The following KANSL1 variants were observed in gnomAD, a reference collection of about 807,000 sequenced individuals.
KANSL1 encodes the protein KAT8 regulatory NSL complex subunit 1, also known as MLL1/MLL complex subunit KANSL1.
A neutral mutation model predicts 103.6 loss-of-function variants in KANSL1; 22 were observed. The observed-to-expected ratio is 0.21, with a 90% CI of 0.15 to 0.30. The LOEUF (loss-of-function observed/expected upper bound fraction) is 0.30. Among genes scored for constraint, KANSL1 ranks in the 10% least tolerant of loss-of-function variants. The pLI is 1.00. For missense variants in KANSL1, 1,337 were observed against 1,399.8 expected, an observed-to-expected ratio of 0.96 and a Z score of 0.72; for synonymous variants, 600 against 527.6, an observed-to-expected ratio of 1.14 and a Z score of -1.88.
rs575365674 is a variant in KANSL1 at position 46,158,136 on chromosome 17, T to C, written c.1289+12719A>G. The stretch of plus-strand genomic sequence containing the variant: ...GCACCTAAAAAGCAGTAACTGAAAT[T>C]CTGCCTTTGACATTTGACGGTGCAA... On this transcript the variant is annotated intron_variant, in intron 2 of 14. Coordinates refer to ENST00000432791, the MANE Select transcript of KANSL1 (RefSeq NM_015443.4). Among the ~76,000 whole-genome samples, 5 of 152,388 alleles carry C rather than the reference T, an allele frequency of 3.3e-5. No individual in the cohort carries two copies. In the East Asian group the frequency reaches 9.6e-4, roughly 29 times the overall value.
chr17:46,121,293 A>G (rs1225506911), intron 2 of KANSL1: 2 of 152,370 alleles, frequency 1.3e-5, no homozygotes, highest in African/African-American at 2.4e-5. Flanking sequence ...CAACAGGCCT[A>G]CTAGGTTCCA....
intron 1 of KANSL1, chr17:46,222,862 A>AT (rs112005776): frequency 3.3e-5 from 5 of 151,220 alleles, no homozygotes; most frequent in African/African-American, 1.2e-4. Flanking sequence ...TTTTTATTTA[A>AT]TTTTTTTTTT....
chr17:46,096,545 C>A (rs2042093820), intron 2 of KANSL1, among the ~76,000 whole-genome samples: 1 of 151,870 alleles, frequency 6.6e-6, no homozygotes, highest in Non-Finnish European at 1.5e-5. Flanking sequence ...GTCTCAAACT[C>A]CCAACCTCAG....
At chr17:46,105,926 C>A in intron 2 of KANSL1, among the ~76,000 whole-genome samples, 1 of 96,628 alleles carries the variant, frequency 1.0e-5, no homozygotes, top group Non-Finnish European at 2.3e-5. Flanking sequence ...CACACACACA[C>A]ACACACACAC....
intron 2 of KANSL1, among the ~76,000 whole-genome samples, chr17:46,095,477 A>T (rs879351088): frequency 5.9e-5 from 9 of 152,238 alleles, no homozygotes; most frequent in Non-Finnish European, 1.2e-4. Flanking sequence ...ATAACGGGAA[A>T]TTTTTAAAAA....
At chr17:46,177,662 G>A (rs1268388680) in intron 1 of KANSL1, among the ~76,000 whole-genome samples, 1 of 152,098 alleles carries the variant, frequency 6.6e-6, no homozygotes, top group East Asian at 1.9e-4. Context: ...CTTGGCTTAT[G>A]TAAAGTCTCC....
At chr17:46,183,628 GGGAAAGAAGGAA>G (rs1567779405) in intron 1 of KANSL1, among the ~76,000 whole-genome samples, 3 of 151,430 alleles carry the variant, frequency 2.0e-5, no homozygotes, top group Non-Finnish European at 4.4e-5. Flanking sequence ...AAGAAAAGGA[GGGAAAGAAGGAA>G]GGAGGGAGGG....
intron 2 of KANSL1, among the ~76,000 whole-genome samples, chr17:46,122,135 T>C (rs147251602): frequency 3.3e-4 from 50 of 152,300 alleles, no homozygotes; most frequent in African/African-American, 1.0e-3. Context: ...ATACAGGTGC[T>C]AGCAACTACA....
chr17:46,114,210 T>C (rs1309443682), intron 2 of KANSL1, among the ~76,000 whole-genome samples: 2 of 152,042 alleles, frequency 1.3e-5, no homozygotes, highest in Non-Finnish European at 2.9e-5. Flanking sequence ...AATACAAAAA[T>C]TAGCTGGGCA....
intron 2 of KANSL1, among the ~76,000 whole-genome samples, chr17:46,116,864 T>C (rs903257244): frequency 2.6e-5 from 4 of 152,264 alleles, no homozygotes; most frequent in African/African-American, 7.2e-5. Context: ...AACAAAAATC[T>C]ATAAATCTGT....
At chr17:46,216,452 A>G (rs2048341308) in intron 1 of KANSL1, among the ~76,000 whole-genome samples, 1 of 151,892 alleles carries the variant, frequency 6.6e-6, no homozygotes, top group Non-Finnish European at 1.5e-5. Context: ...TACAAAAATT[A>G]GCCAGATGTG....
At chr17:46,155,203 C>G (rs964148879) in intron 2 of KANSL1, among the ~76,000 whole-genome samples, 4 of 138,586 alleles carry the variant, frequency 2.9e-5, no homozygotes, top group Admixed American at 2.4e-4. Flanking sequence ...TGCTCTATTG[C>G]CCAGGCTGTA....
intron 1 of KANSL1, among the ~76,000 whole-genome samples, chr17:46,203,198 GCCACTGCA>G (rs1351929801): frequency 1.3e-5 from 2 of 152,124 alleles, no homozygotes; most frequent in African/African-American, 4.8e-5. Context: ...CTGAGATCGC[GCCACTGCA>G]CTCCAGCCTG....
intron 2 of KANSL1, among the ~76,000 whole-genome samples, chr17:46,110,156 A>G (rs2042740656): frequency 6.6e-6 from 1 of 152,222 alleles, no homozygotes; most frequent in Non-Finnish European, 1.5e-5. Flanking sequence ...TGTAGGAAAA[A>G]TCTTTTATGT....
chr17:46,166,749 G>A (rs1004230827), intron 2 of KANSL1, among the ~76,000 whole-genome samples: 1 of 152,158 alleles, frequency 6.6e-6, no homozygotes, highest in Admixed American at 6.5e-5. Flanking sequence ...TACAAGCTTA[G>A]CTCTAAATTT....
intron 4 of KANSL1, among the ~76,000 whole-genome samples, chr17:46,071,993 C>CA (rs2078597233): frequency 6.7e-6 from 1 of 149,184 alleles, no homozygotes; most frequent in Non-Finnish European, 1.5e-5. Context: ...CCCCTCCCCC[C>CA]GCCCCGATTG....
At chr17:46,043,093 G>A (rs1433103288) in intron 7 of KANSL1, 2 of 152,100 alleles carry the variant, frequency 1.3e-5, no homozygotes, top group Non-Finnish European at 2.9e-5. Flanking sequence ...CTGAAAGCTG[G>A]GCTGAGCTGG....
At chr17:46,085,583 G>C (rs574497565) in intron 3 of KANSL1, among the ~76,000 whole-genome samples, 1 of 152,188 alleles carries the variant, frequency 6.6e-6, no homozygotes, top group African/African-American at 2.4e-5. Flanking sequence ...TCCCCCTCCC[G>C]GGCTCAAGTG....
intron 11 of KANSL1, 135 bp downstream of exon 11, chr17:46,034,026 C>G (rs2077082751): frequency 8.9e-7 from 1 of 1,123,220 alleles, no homozygotes; most frequent in Admixed American, 2.6e-5. Context: ...TAATTTCGTT[C>G]TTATCAGATA....
Sources: gnomAD v4.1 joint callset for allele counts (sites outside exome capture counted in the v4.1 genomes callset) on GRCh38, gnomAD v4.1.1 for gene constraint, MANE v1.5 for transcripts, NCBI Gene and HGNC (gene_info 2026-07-23, HGNC 2026-07-21) for gene names.